NSFL1C: variants seen among roughly 807,000 people sequenced by gnomAD.
NSFL1C encodes the protein NSFL1 cofactor.
NSFL1C carries 14 observed loss-of-function variants against 43.1 expected under a neutral mutation model. The ratio of observed to expected loss-of-function variants is 0.32; its 90% CI spans 0.21 to 0.51. The LOEUF (loss-of-function observed/expected upper bound fraction) is 0.51, where lower values mean the gene tolerates loss of function less well. NSFL1C is among the 20% of genes least tolerant of loss of function. The pLI is 0.98. For missense variants in NSFL1C, 406 were observed against 472.5 expected, an observed-to-expected ratio of 0.86 and a Z score of 1.30; for synonymous variants, 171 against 183.5, an observed-to-expected ratio of 0.93 and a Z score of 0.55.
At chr20:1,459,559 A>G (rs777724693) in intron 2 of NSFL1C, among the ~76,000 whole-genome samples, 8 of 152,212 alleles carry the variant, frequency 5.3e-5, no homozygotes, top group Non-Finnish European at 1.5e-5. Context: ...GCTGTTTACT[A>G]GGAAGAAAGC....
At chr20:1,452,962 C>G (rs1411450403) in intron 6 of NSFL1C, 69 bp downstream of exon 6, 2 of 862,678 alleles carry the variant, frequency 2.3e-6, no homozygotes, top group African/African-American at 3.3e-5. Flanking sequence ...AATAAACATT[C>G]TGCCTCCTCC....
intron 7 of NSFL1C, among the ~76,000 whole-genome samples, chr20:1,447,435 T>G (rs925050752): frequency 1.3e-5 from 2 of 152,102 alleles, no homozygotes; most frequent in African/African-American, 4.8e-5. Context: ...GTTTTTTTTT[T>G]TTTTTGCTTT....
intron 6 of NSFL1C, 57 bp from the exon 7 acceptor site, chr20:1,452,687 TG>T: frequency 2.5e-6 from 4 of 1,603,784 alleles, no homozygotes; most frequent in Non-Finnish European, 2.6e-6. Context: ...ATGACAGTGA[TG>T]GGAAAAGGGG....
chr20:1,459,391 T>C (rs1408181625), intron 2 of NSFL1C, among the ~76,000 whole-genome samples: 1 of 152,214 alleles, frequency 6.6e-6, no homozygotes, highest in Non-Finnish European at 1.5e-5. Flanking sequence ...TGATTGTAAG[T>C]TTCCTAAGGC....
At chr20:1,462,217 G>C (rs970886617) in intron 2 of NSFL1C, among the ~76,000 whole-genome samples, 1 of 152,268 alleles carries the variant, frequency 6.6e-6, no homozygotes, top group African/African-American at 2.4e-5. Context: ...TAAGTGTCCT[G>C]CAACTGCCAG....
chr20:1,456,395 C>T (rs1457886354), intron 3 of NSFL1C: 2 of 152,230 alleles, frequency 1.3e-5, no homozygotes, highest in Non-Finnish European at 2.9e-5. Context: ...CCAGAAGTAT[C>T]TAAAAGGAAG....
chr20:1,466,557 G>A lies in NSFL1C; in HGVS notation c.105+163C>T, dbSNP rs756573996. ...GCCCGCGTTCCCCCACTCCCAAGCC[G>A]AGCAGGCGACGCGTGACAAGCGGTC... is the stretch of plus-strand genomic sequence containing the variant. On this transcript the variant is annotated intron_variant, in intron 1 of 8. Transcript: ENST00000216879. Among the ~76,000 whole-genome samples the A allele has an allele frequency of 7.8e-4, 119 of 152,218 alleles. 2 individuals are homozygous for A. Among genetic ancestry groups the A allele is most frequent in the Non-Finnish European group, 1.3e-3 (89 of 68,038 alleles).
intron 2 of NSFL1C, among the ~76,000 whole-genome samples, chr20:1,462,217 G>A (rs970886617): frequency 2.6e-5 from 4 of 152,150 alleles, no homozygotes; most frequent in African/African-American, 9.7e-5. Context: ...TAAGTGTCCT[G>A]CAACTGCCAG....
In NSFL1C at chr20:1,442,743, C is replaced by T. The variant is rs1026089798; in HGVS notation, c.*1006G>A. ...AAAGCCAAGTAGTGACACTCACTTC[C>T]AAAACATACCCAGCAGAAGCCTCCT... On this transcript the variant is annotated 3_prime_UTR_variant, in exon 9 of 9. Coordinates refer to ENST00000216879, the MANE Select transcript of NSFL1C (RefSeq NM_016143.5). 5 of 152,172 alleles carry T rather than the reference C, an allele frequency of 3.3e-5. No homozygotes were observed. Among genetic ancestry groups the T allele is most frequent in the Admixed American group, 2.6e-4 (4 of 15,278 alleles). 9.4% of individuals were successfully genotyped at this position (152,172 alleles called of 1,614,324 possible). A position where few individuals can be genotyped will look rare whatever the true frequency, so the allele number is the denominator to read the frequency against.
At chr20:1,444,469 A>G (rs1157120058) in intron 8 of NSFL1C, among the ~76,000 whole-genome samples, 2 of 152,246 alleles carry the variant, frequency 1.3e-5, no homozygotes, top group African/African-American at 4.8e-5. Context: ...TCAGAAATTA[A>G]TGGTCAACTT....
At chr20:1,453,231 G>A (rs2090221882) in intron 5 of NSFL1C, 91 bp from the exon 6 acceptor site, 1 of 751,610 alleles carries the variant, frequency 1.3e-6, no homozygotes. Flanking sequence ...ATTTCTCAGT[G>A]TTGCTACTAT....
intron 2 of NSFL1C, among the ~76,000 whole-genome samples, chr20:1,459,041 C>G (rs553006116): frequency 6.6e-6 from 1 of 152,150 alleles, no homozygotes; most frequent in Non-Finnish European, 1.5e-5. Context: ...CCTCAAGGAA[C>G]AAGCTTAAGT....
intron 8 of NSFL1C, among the ~76,000 whole-genome samples, chr20:1,445,372 C>A (rs894594684): frequency 6.6e-6 from 1 of 152,130 alleles, no homozygotes; most frequent in Non-Finnish European, 1.5e-5. Flanking sequence ...ATGGGACTTC[C>A]TCTGAAGTCT....
At chr20:1,466,325 G>A (rs2090510029) in intron 1 of NSFL1C, among the ~76,000 whole-genome samples, 1 of 152,206 alleles carries the variant, frequency 6.6e-6, no homozygotes, top group Admixed American at 6.5e-5. Flanking sequence ...CTTCGGAAGT[G>A]GAAATGAGCG....
intron 1 of NSFL1C, among the ~76,000 whole-genome samples, chr20:1,465,964 A>C (rs2090501144): frequency 6.6e-6 from 1 of 152,212 alleles, no homozygotes; most frequent in Admixed American, 6.5e-5. Context: ...GTACTCAATA[A>C]ATATTAGTCA....
Position 1,458,275 on chromosome 20 carries a change from C to T in NSFL1C, c.204-1G>A, listed in dbSNP as rs144389443. 3 of 1,613,040 alleles carry T rather than the reference C, an allele frequency of 1.9e-6. No homozygotes were observed. Among genetic ancestry groups the T allele is most frequent in the African/African-American group, 1.3e-5 (1 of 74,866 alleles). On this transcript the variant is annotated splice_acceptor_variant, in intron 2 of 8. Coordinates refer to ENST00000216879, the MANE Select transcript of NSFL1C (RefSeq NM_016143.5). LOFTEE classifies it high-confidence loss of function. ...TCTGAAGGATGTCACTCTATTATCA[C>T]TGGAGACACAGAAAGGAGCAAAATG...
intron 1 of NSFL1C, among the ~76,000 whole-genome samples, chr20:1,465,168 C>A (rs1237616624): frequency 6.6e-6 from 1 of 152,236 alleles, no homozygotes; most frequent in Non-Finnish European, 1.5e-5. Context: ...ACTCAACGGA[C>A]AGGCATTCAC....
chr20:1,444,181 G>A (rs1366850353), intron 8 of NSFL1C, among the ~76,000 whole-genome samples: 1 of 152,078 alleles, frequency 6.6e-6, no homozygotes, highest in Non-Finnish European at 1.5e-5. Flanking sequence ...TCTTCTGCCC[G>A]CTTCTAGTTC....
At chr20:1,462,536 T>G (rs1599971699) in intron 2 of NSFL1C, among the ~76,000 whole-genome samples, 3 of 151,952 alleles carry the variant, frequency 2.0e-5, no homozygotes, top group Admixed American at 6.6e-5. Flanking sequence ...CCTTTTTTTT[T>G]TTTGAGACAG....
Sources: allele counts gnomAD v4.1 joint callset (sites outside exome capture counted in the v4.1 genomes callset), GRCh38; gene constraint gnomAD v4.1.1; transcripts MANE v1.5; gene names NCBI Gene and HGNC (gene_info 2026-07-23, HGNC 2026-07-21).